Variants in MTA3 observed in about 807,000 individuals in gnomAD.
The protein encoded by MTA3 is metastasis-associated protein MTA3.
In MTA3, 34 loss-of-function variants were observed where a neutral mutation model predicts 83.5. The ratio of observed to expected loss-of-function variants is 0.41; its 90% CI spans 0.31 to 0.54. The LOEUF (loss-of-function observed/expected upper bound fraction) is 0.54, where lower values mean the gene tolerates loss of function less well. Ranked by LOEUF, MTA3 falls within the 20% of genes least tolerant of loss-of-function variation. The probability of loss-of-function intolerance (pLI) is 0.33; values close to 1 mark genes in which losing one functional copy is unlikely to be tolerated. For missense variants in MTA3, 761 were observed against 726.4 expected (o/e 1.05, Z -0.55); for synonymous variants, 303 against 252.7 (o/e 1.20, Z -1.89).
At chr2:42,724,275 AAAACACACACAC>A (rs1251989503) in intron 16 of MTA3, among the ~76,000 whole-genome samples, 1,142 of 82,216 alleles carry the variant, frequency 0.014, 27 homozygotes, top group African/African-American at 0.037. Flanking sequence ...TAAGTCCTGA[AAAACACACACAC>A]ACACACACAC....
chr2:42,663,484 AGTACACTGGCTTATGCCT>A (rs1689928200), intron 8 of MTA3, among the ~76,000 whole-genome samples: 1 of 152,216 alleles, frequency 6.6e-6, no homozygotes, highest in African/African-American at 2.4e-5. Context: ...TTTATGGCCA[AGTACACTGGCTTATGCCT>A]GTAGTCTCAA....
chr2:42,652,235 G>A (rs1457404478), intron 6 of MTA3, among the ~76,000 whole-genome samples: 1 of 152,156 alleles, frequency 6.6e-6, no homozygotes, highest in Non-Finnish European at 1.5e-5. Context: ...TTGGGATGAA[G>A]TGTCTATGTC....
At chr2:42,674,330 A>G (rs1000300048) in intron 8 of MTA3, among the ~76,000 whole-genome samples, 1 of 152,236 alleles carries the variant, frequency 6.6e-6, no homozygotes, top group Non-Finnish European at 1.5e-5. Context: ...TTAACAAAAG[A>G]TGAGAATTCC....
chr2:42,665,914 G>A (rs1573537170), intron 8 of MTA3, among the ~76,000 whole-genome samples: 1 of 152,304 alleles, frequency 6.6e-6, no homozygotes, highest in South Asian at 2.1e-4. Context: ...GCCAAGCTGT[G>A]TTGATTTAGG....
chr2:42,542,412 G>A (rs1449013813), intron 2 of MTA3, among the ~76,000 whole-genome samples: 10 of 152,074 alleles, frequency 6.6e-5, no homozygotes. Context: ...ATATTAGTCA[G>A]GGTTCTTTAG....
chr2:42,658,307 C>T (rs988673614), intron 7 of MTA3, among the ~76,000 whole-genome samples: 2 of 152,062 alleles, frequency 1.3e-5, no homozygotes, highest in Non-Finnish European at 2.9e-5. Context: ...AAGTTTCACT[C>T]CTAAATATCT....
chr2:42,737,731 T>C (rs1188534275), intron 16 of MTA3, among the ~76,000 whole-genome samples: 1 of 152,170 alleles, frequency 6.6e-6, no homozygotes, highest in African/African-American at 2.4e-5. Context: ...AAATAGAAGC[T>C]CAAGAAGGTT....
At chr2:42,592,261 C>G (rs1681104398) in intron 3 of MTA3, among the ~76,000 whole-genome samples, 1 of 151,632 alleles carries the variant, frequency 6.6e-6, no homozygotes, top group Non-Finnish European at 1.5e-5. Flanking sequence ...GACTCTATCT[C>G]AAAAACAAAA....
chr2:42,706,935 T>A (rs1167102959), intron 12 of MTA3, among the ~76,000 whole-genome samples: 1 of 152,142 alleles, frequency 6.6e-6, no homozygotes, highest in Admixed American at 6.5e-5. Flanking sequence ...CAGATACCTG[T>A]TTGTTTCTTC....
intron 1 of MTA3, chr2:42,569,910 A>G (rs542881277): frequency 6.6e-6 from 1 of 152,224 alleles, no homozygotes; most frequent in Admixed American, 6.5e-5. Flanking sequence ...AAACTGTGGA[A>G]AAGTTTGTCA....
intron 4 of MTA3, among the ~76,000 whole-genome samples, chr2:42,624,000 A>C: frequency 6.6e-6 from 1 of 152,012 alleles, no homozygotes; most frequent in South Asian, 2.1e-4. Context: ...AGGCTGAGCC[A>C]CTTCGCCCGG....
chr2:42,672,574 G>A (rs1469479649), intron 8 of MTA3, among the ~76,000 whole-genome samples: 1 of 150,086 alleles, frequency 6.7e-6, no homozygotes, highest in East Asian at 2.0e-4. Flanking sequence ...GAGCCTGGGA[G>A]GTGGAGATTG....
At chr2:42,711,324 C>T (rs1013928450) in intron 14 of MTA3, among the ~76,000 whole-genome samples, 4 of 152,012 alleles carry the variant, frequency 2.6e-5, no homozygotes, top group Admixed American at 1.3e-4. Flanking sequence ...TCTTTTATCT[C>T]GTTCTAATTT....
At chr2:42,548,817 A>ATAT (rs1676888030) in intron 2 of MTA3, among the ~76,000 whole-genome samples, 3 of 23,230 alleles carry the variant, frequency 1.3e-4, no homozygotes, top group African/African-American at 3.7e-4. Flanking sequence ...AAAAATATAT[A>ATAT]TATATATATA....
Position 42,747,006 on chromosome 2 carries a change from G to GT in MTA3, c.1760-6355dup, listed in dbSNP as rs35260742. Among the ~76,000 whole-genome samples the GT allele has an allele frequency of 9.1e-3, 1,313 of 144,356 alleles. 10 individuals are homozygous for GT. The highest frequency in any genetic ancestry group is 0.025 in the South Asian group (113 of 4,552). 94.7% of individuals were successfully genotyped at this position (144,356 alleles called of 152,430 possible). The stretch of plus-strand genomic sequence containing the variant: ...TCTTGTCTGTTCAGGTTCTAATTTT[G>GT]TTTTTTTTTTTTTGAGATGGAGTCT... On this transcript the variant is annotated intron_variant, in intron 16 of 16. Coordinates refer to ENST00000405094, the MANE Select transcript of MTA3 (RefSeq NM_001330442.2).
chr2:42,676,399 G>A (rs1691353659), intron 8 of MTA3, among the ~76,000 whole-genome samples: 1 of 152,186 alleles, frequency 6.6e-6, no homozygotes, highest in Admixed American at 6.5e-5. Context: ...CATGATTTGA[G>A]TGGTTGGTGT....
intron 9 of MTA3, among the ~76,000 whole-genome samples, chr2:42,689,348 A>G (rs1692674813): frequency 6.6e-6 from 1 of 152,200 alleles, no homozygotes; most frequent in Non-Finnish European, 1.5e-5. Context: ...ATCTATGTTA[A>G]TGATTAATAC....
chr2:42,525,089 C>T (rs1270021042), intron 2 of MTA3, among the ~76,000 whole-genome samples: 1 of 151,662 alleles, frequency 6.6e-6, no homozygotes, highest in Non-Finnish European at 1.5e-5. Flanking sequence ...GGTATATCTC[C>T]TAATGCTATC....
At chr2:42,638,937 C>G (rs981983511) in intron 4 of MTA3, among the ~76,000 whole-genome samples, 8 of 150,346 alleles carry the variant, frequency 5.3e-5, no homozygotes, top group Admixed American at 2.0e-4. Context: ...AAATGTTTAG[C>G]AAGCTGTTTT....
Sources: allele counts gnomAD v4.1 joint callset (sites outside exome capture counted in the v4.1 genomes callset), GRCh38; gene constraint gnomAD v4.1.1; transcripts MANE v1.5; gene names NCBI Gene and HGNC (gene_info 2026-07-23, HGNC 2026-07-21).